Variants in RPH3AL observed in about 807,000 individuals in gnomAD.
RPH3AL encodes rabphilin 3A like (without C2 domains).
In RPH3AL, 38 loss-of-function variants were observed where a neutral mutation model predicts 43.1. The ratio of observed to expected loss-of-function variants is 0.88; its 90% CI spans 0.68 to 1.15. RPH3AL has a LOEUF of 1.15. Ranked by LOEUF, RPH3AL falls within the 50% of genes most tolerant of loss-of-function variation. The probability of loss-of-function intolerance (pLI) is 0.00; values close to 1 mark genes in which losing one functional copy is unlikely to be tolerated. For synonymous variants in RPH3AL, 189 were observed against 176.3 expected, an observed-to-expected ratio of 1.07 and a Z score of -0.57; for missense variants, 462 against 423.2, an observed-to-expected ratio of 1.09 and a Z score of -0.81.
chr17:281,694 ACCGT>A (rs2042783204), intron 6 of RPH3AL, 70 bp downstream of exon 6: 1 of 547,294 alleles, frequency 1.8e-6, no homozygotes, highest in Admixed American at 2.3e-5. Flanking sequence ...CGTCACCCTG[ACCGT>A]CCACCCATCC....
At chr17:223,924 G>A (rs1347459589) in intron 7 of RPH3AL, among the ~76,000 whole-genome samples, 1 of 152,044 alleles carries the variant, frequency 6.6e-6, no homozygotes, top group East Asian at 1.9e-4. Context: ...CCAGCACACA[G>A]TAGGTTCACC....
chr17:234,969 C>T (rs1432298792), intron 7 of RPH3AL, among the ~76,000 whole-genome samples: 2 of 152,176 alleles, frequency 1.3e-5, no homozygotes, highest in Non-Finnish European at 2.9e-5. Context: ...ATGAATGGAT[C>T]GGCTGGTATA....
intron 2 of RPH3AL, among the ~76,000 whole-genome samples, chr17:330,391 T>C (rs2151713178): frequency 6.6e-6 from 1 of 152,324 alleles, no homozygotes; most frequent in South Asian, 2.1e-4. Flanking sequence ...TTCTCCCAGA[T>C]GAGGCTAATG....
intron 5 of RPH3AL, among the ~76,000 whole-genome samples, chr17:284,382 G>T (rs1358541477): frequency 1.3e-5 from 2 of 152,178 alleles, no homozygotes; most frequent in Admixed American, 1.3e-4. Context: ...CCTGGTGCCA[G>T]GCTGGTGCGC....
At chr17:229,283 G>A (rs547318893) in intron 7 of RPH3AL, among the ~76,000 whole-genome samples, 1 of 152,324 alleles carries the variant, frequency 6.6e-6, no homozygotes, top group African/African-American at 2.4e-5. Flanking sequence ...CGAGGGCAAG[G>A]CCATACCTAA....
intron 5 of RPH3AL, among the ~76,000 whole-genome samples, chr17:318,155 G>A (rs1331027850): frequency 6.6e-6 from 1 of 152,038 alleles, no homozygotes; most frequent in Non-Finnish European, 1.5e-5. Context: ...GGCCGAGGCA[G>A]GCGGATCACC....
rs570522653 is a variant in RPH3AL at position 249,393 on chromosome 17, C to T, written c.439-2108G>A. ...AACACAGGAGCAGGGCTTATCTCAC[C>T]GGGAGGACTTGAGGATCAGGCCCAA... On this transcript the variant is annotated intron_variant, in intron 6 of 9. Transcript: ENST00000331302. Among the ~76,000 whole-genome samples the T allele has an allele frequency of 4.6e-5, 7 of 152,144 alleles. No individual in the cohort carries two copies. In the East Asian group the frequency reaches 7.7e-4, roughly 17 times the overall value.
chr17:263,198 C>T (rs1319055373), intron 6 of RPH3AL, among the ~76,000 whole-genome samples: 1 of 152,096 alleles, frequency 6.6e-6, no homozygotes. Flanking sequence ...AGGCGGCCTC[C>T]ATATCCACAG....
Position 225,794 on chromosome 17 carries a change from G to C in RPH3AL, c.614-6058C>G, listed in dbSNP as rs138923049. 8.3e-3 allele frequency among the ~76,000 whole-genome samples: 1,257 copies of C among 152,316 alleles called. 17 individuals carry two copies. Among genetic ancestry groups the C allele is most frequent in the African/African-American group, 0.028 (1,159 of 41,566 alleles). ...GTCTGGGGCTGGCGGTGGGCACGGG[G>C]CTCCGTGGTGTCACACAGTACCAGG... is the stretch of plus-strand genomic sequence containing the variant. On this transcript the variant is annotated intron_variant, in intron 7 of 9. Coordinates refer to ENST00000331302, the MANE Select transcript of RPH3AL (RefSeq NM_006987.4). This position sits in a 1 kb window ranked among gnomAD's most constrained non-coding sequence, Gnocchi z 4.4.
intron 7 of RPH3AL, among the ~76,000 whole-genome samples, chr17:235,271 GCC>G (rs2041342102): frequency 3.5e-5 from 5 of 143,796 alleles, no homozygotes; most frequent in African/African-American, 1.3e-4. Flanking sequence ...GCTGGGGTCG[GCC>G]GAGGCTCTAC....
rs933939970 is a variant in RPH3AL at position 322,969 on chromosome 17, C to T, written c.78-1554G>A. 3.9e-5 allele frequency among the ~76,000 whole-genome samples: 6 copies of T among 152,148 alleles called. No homozygotes were observed. Among genetic ancestry groups the T allele is most frequent in the Non-Finnish European group, 8.8e-5 (6 of 68,028 alleles). On this transcript the variant is annotated intron_variant, in intron 3 of 9. Transcript: ENST00000331302. The surrounding 1 kb of genome is among the most constrained non-coding windows in gnomAD (Gnocchi z 4.0). The stretch of plus-strand genomic sequence containing the variant: ...TCTCACCCTTGGTTTTCTGATCTGT[C>T]TCTTTAAGGGATGCCATGAGAATTA...
chr17:297,343 T>C (rs781660044), intron 5 of RPH3AL, among the ~76,000 whole-genome samples: 1 of 152,188 alleles, frequency 6.6e-6, no homozygotes, highest in Non-Finnish European at 1.5e-5. Flanking sequence ...TGAGCCACTC[T>C]AGCAAATTAT....
At chr17:343,803 C>A (rs958025116) in intron 1 of RPH3AL, among the ~76,000 whole-genome samples, 1 of 152,128 alleles carries the variant, frequency 6.6e-6, no homozygotes, top group Non-Finnish European at 1.5e-5. Context: ...ACAGAGTTAT[C>A]CAGCCTAAAC....
intron 4 of RPH3AL, 29 bp from the exon 5 acceptor site, chr17:319,578 A>C: frequency 6.2e-7 from 1 of 1,606,736 alleles, no homozygotes; most frequent in Non-Finnish European, 8.5e-7. Context: ...AGTCAGAGGG[A>C]CTGTGCTTCC....
At chr17:280,474 C>T (rs575668743) in intron 6 of RPH3AL, among the ~76,000 whole-genome samples, 29 of 152,288 alleles carry the variant, frequency 1.9e-4, no homozygotes, top group African/African-American at 6.7e-4. Flanking sequence ...AGCAGCTCGC[C>T]ACAAACCCAG....
chr17:317,195 A>G (rs931512228), intron 5 of RPH3AL, among the ~76,000 whole-genome samples: 10 of 141,814 alleles, frequency 7.1e-5, no homozygotes, highest in African/African-American at 2.6e-4. Flanking sequence ...ATTGACCTGT[A>G]GTCCCTGTAC....
At chr17:292,970 G>A (rs1300684586) in intron 5 of RPH3AL, among the ~76,000 whole-genome samples, 2 of 152,202 alleles carry the variant, frequency 1.3e-5, no homozygotes, top group African/African-American at 4.8e-5. Context: ...AACATTTCAG[G>A]AGGAAGGCAA....
At chr17:285,968 C>T (rs537337405) in intron 5 of RPH3AL, among the ~76,000 whole-genome samples, 2 of 152,320 alleles carry the variant, frequency 1.3e-5, no homozygotes, top group African/African-American at 2.4e-5. Context: ...TGACAGGACA[C>T]GGATGAACAG....
intron 1 of RPH3AL, among the ~76,000 whole-genome samples, chr17:352,285 T>C (rs1441818411): frequency 6.6e-6 from 1 of 152,140 alleles, no homozygotes; most frequent in Non-Finnish European, 1.5e-5. Context: ...GTGGCCCCCA[T>C]TCTCTGCCTG....
Sources: gnomAD v4.1 joint callset for allele counts (sites outside exome capture counted in the v4.1 genomes callset) on GRCh38, gnomAD v4.1.1 for gene constraint, Gnocchi (gnomAD v3.1) non-coding constraint, MANE v1.5 for transcripts, NCBI Gene and HGNC (gene_info 2026-07-23, HGNC 2026-07-21) for gene names.